PRRC2B: variants seen among roughly 807,000 people sequenced by gnomAD.
The protein encoded by PRRC2B is protein PRRC2B.
PRRC2B carries 68 observed loss-of-function variants against 242.3 expected under a neutral mutation model. The ratio of observed to expected loss-of-function variants is 0.28; its 90% CI spans 0.23 to 0.34. PRRC2B has a LOEUF of 0.34. Among genes scored for constraint, PRRC2B ranks in the 10% least tolerant of loss-of-function variants. The probability of loss-of-function intolerance (pLI) is 1.00; values close to 1 mark genes in which losing one functional copy is unlikely to be tolerated. For missense variants in PRRC2B, 2,835 were observed against 2,954.8 expected (o/e 0.96, Z 0.94); for synonymous variants, 1,228 against 1,173.6 (o/e 1.05, Z -0.95).
intron 1 of PRRC2B, among the ~76,000 whole-genome samples, chr9:131,400,754 G>A (rs905169351): frequency 6.6e-6 from 1 of 152,196 alleles, no homozygotes; most frequent in Non-Finnish European, 1.5e-5. Context: ...GGGGGTCTCA[G>A]TCCTGGTTAA....
chr9:131,471,858 C>T (rs945560078), intron 14 of PRRC2B, among the ~76,000 whole-genome samples: 1 of 152,192 alleles, frequency 6.6e-6, no homozygotes, highest in Non-Finnish European at 1.5e-5. Context: ...TTAAGTTGAG[C>T]ATGCTAATTG....
At chr9:131,458,433 C>T (rs1190034168) in intron 10 of PRRC2B, among the ~76,000 whole-genome samples, 1 of 152,082 alleles carries the variant, frequency 6.6e-6, no homozygotes, top group Non-Finnish European at 1.5e-5. Context: ...ACATAAAATA[C>T]ACTAACACTA....
In PRRC2B at chr9:131,394,242, C is replaced by T. The variant is rs1321585316; in HGVS notation, c.-73C>T. On this transcript the variant is annotated 5_prime_UTR_variant, in exon 1 of 32. Transcript: ENST00000683519. ...CCCGACTGCCATCGCCCGGCCCGGC[C>T]GCGCCCGCGGAACCAGACCAGGTGG... 1.4e-5 allele frequency: 2 copies of T among 147,854 alleles called. No homozygotes were observed. The highest frequency in any genetic ancestry group is 3.0e-5 in the Non-Finnish European group (2 of 66,088). The allele number at this position is 147,854 out of a possible 1,614,324, so 9.2% of individuals were successfully genotyped here. A position where few individuals can be genotyped will look rare whatever the true frequency, so the allele number is the denominator to read the frequency against.
Position 131,492,279 on chromosome 9 carries a change from GA to G in PRRC2B, c.6473+20del. On this transcript the variant is annotated intron_variant, in intron 30 of 31. Coordinates refer to ENST00000683519, the MANE Select transcript of PRRC2B (RefSeq NM_013318.4). ...CCTACAGGTAAAGCCACTCCCTGGG[GA>G]CTGCGTGCTGTGTAGCTGAGCAGTT... 1 of 1,595,706 alleles carries G rather than the reference GA, an allele frequency of 6.3e-7. No homozygotes were observed. The highest frequency in any genetic ancestry group is 8.6e-7 in the Non-Finnish European group (1 of 1,163,638).
chr9:131,411,735 G>C (rs1837514237), intron 1 of PRRC2B, among the ~76,000 whole-genome samples: 1 of 152,160 alleles, frequency 6.6e-6, no homozygotes, highest in South Asian at 2.1e-4. Context: ...AGGTTTTCCA[G>C]CTCTTGGGGT....
chr9:131,415,944 C>T (rs1837636236), intron 1 of PRRC2B, among the ~76,000 whole-genome samples: 1 of 151,920 alleles, frequency 6.6e-6, no homozygotes, highest in Non-Finnish European at 1.5e-5. Flanking sequence ...TAATTTCTTC[C>T]TCTCCTTCCC....
upstream of PRRC2B, among the ~76,000 whole-genome samples, chr9:131,389,486 A>G (rs755940343): frequency 8.6e-5 from 13 of 150,438 alleles, no homozygotes; most frequent in Non-Finnish European, 1.5e-4. Flanking sequence ...CTGATGCTCT[A>G]TTTTCTCGAC....
chr9:131,456,576 A>G (rs1422791933), intron 10 of PRRC2B, among the ~76,000 whole-genome samples: 1 of 151,926 alleles, frequency 6.6e-6, no homozygotes, highest in Non-Finnish European at 1.5e-5. Flanking sequence ...GCTTGCAGTG[A>G]GCCGAGATCA....
chr9:131,446,755 C>G lies in PRRC2B; in HGVS notation c.855+113C>G. 8.3e-7 allele frequency: 1 copy of G among 1,208,984 alleles called. No individual in the cohort carries two copies. The highest frequency in any genetic ancestry group is 1.5e-5 in the South Asian group (1 of 66,074). The allele number at this position is 1,208,984 out of a possible 1,614,324, so 74.9% of individuals were successfully genotyped here. ...GTCTCCTCTTGGCCCTGTTACCCTA[C>G]TTCTGAGGCTTCCACTCGTTTTGCA... On this transcript the variant is annotated intron_variant, in intron 7 of 31. Transcript: ENST00000683519. This position sits in a 1 kb window ranked among gnomAD's most constrained non-coding sequence, Gnocchi z 4.1.
intron 10 of PRRC2B, among the ~76,000 whole-genome samples, chr9:131,455,746 G>GAC: frequency 6.6e-6 from 1 of 151,976 alleles, no homozygotes; most frequent in Non-Finnish European, 1.5e-5. Flanking sequence ...AAACTCCTGG[G>GAC]CTCAAGTGAT....
rs376881246 is a variant in PRRC2B at position 131,404,983 on chromosome 9, A to G, written c.-52+10720A>G. On this transcript the variant is annotated intron_variant, in intron 1 of 31. Transcript: ENST00000683519. ...AGCTTTTTGGTAAGAATTCTGCCAG[A>G]TTTCTCTTCAGAAAACTTTGTATCA... Among the ~76,000 whole-genome samples the G allele has an allele frequency of 8.5e-5, 13 of 152,302 alleles. No individual in the cohort carries two copies. The East Asian group carries it at 1.9e-3, about 23-fold the overall frequency.
In PRRC2B at chr9:131,401,385, CT is replaced by C. The variant is rs1320362682; in HGVS notation, c.-52+7138del. Among the ~76,000 whole-genome samples, 917 of 139,002 alleles carry C rather than the reference CT, an allele frequency of 6.6e-3. 1 individual carries two copies. Among genetic ancestry groups the C allele is most frequent in the South Asian group, 0.037 (161 of 4,362 alleles). 91.2% of individuals were successfully genotyped at this position (139,002 alleles called of 152,430 possible). On this transcript the variant is annotated intron_variant, in intron 1 of 31. Coordinates refer to ENST00000683519, the MANE Select transcript of PRRC2B (RefSeq NM_013318.4). ...GCCACCATTCTTACCATTCTTTCTC[CT>C]TTTTTTTTTTTTTTTGAGATAGGGT...
chr9:131,413,737 T>C (rs776051784), intron 1 of PRRC2B, among the ~76,000 whole-genome samples: 2 of 152,090 alleles, frequency 1.3e-5, no homozygotes, highest in African/African-American at 2.4e-5. Context: ...AGCGGTGCGA[T>C]CTTGGCTCAC....
chr9:131,445,985 A>C (rs1007153633), intron 6 of PRRC2B, among the ~76,000 whole-genome samples: 1 of 152,154 alleles, frequency 6.6e-6, no homozygotes, highest in Non-Finnish European at 1.5e-5. Context: ...GCCTGAAACC[A>C]CTGTGCCCGG....
At position 131,459,279 on chromosome 9, in the gene PRRC2B, C is replaced by T. The variant is rs371546700; in HGVS notation, c.1327C>T (p.Arg443Cys). 26 of 1,613,904 alleles carry T rather than the reference C, an allele frequency of 1.6e-5. No individual in the cohort carries two copies. Among genetic ancestry groups the T allele is most frequent in the South Asian group, 1.2e-4 (11 of 91,078 alleles). Residue 443 changes from arginine to cysteine, a missense_variant, in exon 11 of 32, where the codon CGT (arginine) becomes TGT (cysteine). Physicochemically the swap from Arg to Cys is radical, Grantham distance 180. Around this residue, in one of 7 missense-constraint regions of PRRC2B, gnomAD observed 626 missense variants for 685.5 expected, o/e 0.91. Transcript: ENST00000683519. ...KDWAEAVGASRVVRKAPDPQP... is the reference protein window; with the variant it reads ...KDWAEAVGASCVVRKAPDPQP... Reference sequence around the variant, plus strand: ...CTGGGCTGAAGCAGTGGGTGCGTCCCGTGTGGTCCGAAAGGCGCCAGACCC... The same window carrying T: ...CTGGGCTGAAGCAGTGGGTGCGTCCTGTGTGGTCCGAAAGGCGCCAGACCC...
At position 131,436,628 on chromosome 9, in the gene PRRC2B, C is replaced by T. The variant is rs371426153; in HGVS notation, c.302C>T (p.Ala101Val). The change falls in exon 4 of 32, where the codon GCG becomes GTG. Residue 101 changes from alanine to valine, a missense_variant. By Grantham distance (64) the Ala-to-Val change is moderately conservative (BLOSUM62 0). Around this residue, in one of 7 missense-constraint regions of PRRC2B, gnomAD observed 626 missense variants for 685.5 expected, o/e 0.91. Coordinates refer to ENST00000683519, the MANE Select transcript of PRRC2B (RefSeq NM_013318.4). ...QDQQDPKSSSATASQPPESLP... is the reference protein window; with the variant it reads ...QDQQDPKSSSVTASQPPESLP... ...GCCCTGCCTTTGTCTAGTTCCAGTG[C>T]GACGGCCTCTCAGCCGCCGGAGTCG... The T allele has an allele frequency of 4.7e-5, 76 of 1,613,118 alleles. No homozygotes were observed. In the Middle Eastern group the frequency reaches 4.9e-4, roughly 10 times the overall value.
chr9:131,467,615 A>G lies in PRRC2B; in HGVS notation c.1773A>G (p.Ala591=). ...QETPTTFPEE[A]PTVSPAVAQS... The stretch of plus-strand genomic sequence containing the variant: ...CCCCCACCACATTCCCAGAAGAGGC[A>G]CCCACAGTGTCCCCAGCAGTGGCAC... Residue 591 remains alanine, a synonymous_variant, in exon 13 of 32, where the codon GCA becomes GCG. Transcript: ENST00000683519. 1.2e-6 allele frequency: 2 copies of G among 1,613,542 alleles called. No individual in the cohort carries two copies. The highest frequency in any genetic ancestry group is 1.1e-5 in the South Asian group (1 of 91,004).
At chr9:131,431,020 AG>A (rs1838149987) in intron 2 of PRRC2B, among the ~76,000 whole-genome samples, 1 of 149,552 alleles carries the variant, frequency 6.7e-6, no homozygotes, top group South Asian at 2.1e-4. Context: ...GCGTGATCTC[AG>A]CTCAGTGCAA....
rs1382156565 is a variant in PRRC2B, at chr9:131,498,027, T to C, written c.*2153T>C. On this transcript the variant is annotated 3_prime_UTR_variant, in exon 32 of 32. Transcript: ENST00000683519. ...GCATGGCCAGACCCCTCCCACCTGA[T>C]GCGGTGGTGCGTGTGATTTGTCAAA... 1 of 152,226 alleles carries C rather than the reference T, an allele frequency of 6.6e-6. No individual in the cohort carries two copies. Among genetic ancestry groups the C allele is most frequent in the Non-Finnish European group, 1.5e-5 (1 of 68,072 alleles). The allele number at this position is 152,226 out of a possible 1,614,324, so 9.4% of individuals were successfully genotyped here.
Sources: gnomAD v4.1 joint callset for allele counts (sites outside exome capture counted in the v4.1 genomes callset) on GRCh38, gnomAD v4.1.1 for gene constraint, gnomAD v4.1.1 regional missense constraint, Gnocchi (gnomAD v3.1) non-coding constraint, MANE v1.5 for transcripts, NCBI Gene and HGNC (gene_info 2026-07-23, HGNC 2026-07-21) for gene names.